The following FRMD4A variants were observed in gnomAD, a reference collection of about 807,000 sequenced individuals.
FRMD4A encodes the protein FERM domain containing 4A.
In FRMD4A, 29 loss-of-function variants were observed where a neutral mutation model predicts 129.1. The observed-to-expected ratio is 0.22, with a 90% confidence interval of 0.17 to 0.31. FRMD4A has a LOEUF of 0.31. FRMD4A is among the 10% of genes least tolerant of loss of function. The pLI, the probability that FRMD4A is intolerant of heterozygous loss-of-function variation, is 1.00. For synonymous variants in FRMD4A, 634 were observed against 571.6 expected (o/e 1.11, Z -1.56); for missense variants, 1,272 against 1,375.8 (o/e 0.92, Z 1.19).
At chr10:13,842,652 G>C (rs1391521181) in intron 3 of FRMD4A, among the ~76,000 whole-genome samples, 4 of 152,222 alleles carry the variant, frequency 2.6e-5, no homozygotes, top group African/African-American at 9.6e-5. Flanking sequence ...TGGCTCTTAA[G>C]TGCTGGTATA....
chr10:14,265,945 A>G (rs145332011), intron 2 of FRMD4A, among the ~76,000 whole-genome samples: 8 of 152,300 alleles, frequency 5.3e-5, no homozygotes, highest in Non-Finnish European at 1.0e-4. Context: ...AGGCATGGTA[A>G]AGACCTTATC....
At chr10:13,832,411 C>T (rs2093804344) in intron 3 of FRMD4A, among the ~76,000 whole-genome samples, 1 of 152,154 alleles carries the variant, frequency 6.6e-6, no homozygotes, top group South Asian at 2.1e-4. Flanking sequence ...GGAAATGTCA[C>T]CTGGATCTTC....
chr10:13,674,581 G>A (rs2083805608), intron 16 of FRMD4A, among the ~76,000 whole-genome samples: 2 of 152,114 alleles, frequency 1.3e-5, no homozygotes, highest in Non-Finnish European at 2.9e-5. Flanking sequence ...AACCCTTTAA[G>A]CATATTCTTT....
At chr10:13,651,851 A>G in intron 24 of FRMD4A, 52 bp downstream of exon 24, 2 of 875,360 alleles carry the variant, frequency 2.3e-6, no homozygotes, top group South Asian at 1.3e-5. Context: ...AAAGCAACAC[A>G]TGTGGGACCA....
intron 2 of FRMD4A, among the ~76,000 whole-genome samples, chr10:13,922,000 G>C (rs1039758306): frequency 1.3e-5 from 2 of 151,928 alleles, no homozygotes; most frequent in Admixed American, 1.3e-4. Context: ...TCTAAGGGTG[G>C]AGCCTGCATG....
chr10:13,888,110 T>G (rs2797859), intron 2 of FRMD4A, among the ~76,000 whole-genome samples: 150,040 of 152,326 alleles, frequency 0.98, 73,937 homozygotes, highest in Middle Eastern at 1. Flanking sequence ...GAGATGAAAT[T>G]TTCTGGGAAA....
chr10:13,960,829 G>T (rs1183962353), intron 2 of FRMD4A, among the ~76,000 whole-genome samples: 1 of 152,164 alleles, frequency 6.6e-6, no homozygotes, highest in Non-Finnish European at 1.5e-5. Context: ...TCTCTCACCA[G>T]AGCTCTTCCA....
chr10:13,963,505 T>A (rs966824193), intron 2 of FRMD4A, among the ~76,000 whole-genome samples: 1 of 152,128 alleles, frequency 6.6e-6, no homozygotes, highest in Non-Finnish European at 1.5e-5. Context: ...AGTCCAAGAC[T>A]GGTTGTATGA....
intron 2 of FRMD4A, among the ~76,000 whole-genome samples, chr10:13,863,865 G>C (rs1259326887): frequency 2.6e-5 from 4 of 151,958 alleles, no homozygotes; most frequent in African/African-American, 9.7e-5. Context: ...TAATTTTTCT[G>C]GTTTAGGCTT....
intron 2 of FRMD4A, among the ~76,000 whole-genome samples, chr10:14,132,105 G>A (rs1332734550): frequency 6.6e-6 from 1 of 152,148 alleles, no homozygotes; most frequent in Non-Finnish European, 1.5e-5. Flanking sequence ...GGCCAACATG[G>A]TGAAACCCCA....
chr10:13,957,543 C>G (rs867498582), intron 2 of FRMD4A, among the ~76,000 whole-genome samples: 1 of 152,170 alleles, frequency 6.6e-6, no homozygotes, highest in South Asian at 2.1e-4. Context: ...ACGTGAGCCA[C>G]CACGCTCAGC....
At chr10:14,118,126 T>G (rs1838297462) in intron 2 of FRMD4A, among the ~76,000 whole-genome samples, 2 of 152,196 alleles carry the variant, frequency 1.3e-5, no homozygotes, top group African/African-American at 4.8e-5. Context: ...GAATTTAAAC[T>G]CCAAACCTCC....
rs532474706 is a variant in FRMD4A, at chr10:14,096,205, G to C, written c.45+233853C>G. ...ATTAGTGTCCTTATAAAACAGGCTG[G>C]AGGGAACCTGTTTGTCCCTTCTGTC... On this transcript the variant is annotated intron_variant, in intron 2 of 24. Coordinates refer to ENST00000357447, the MANE Select transcript of FRMD4A (RefSeq NM_018027.5). Among the ~76,000 whole-genome samples, 51 of 152,312 alleles carry C rather than the reference G, an allele frequency of 3.3e-4. No individual in the cohort carries two copies. In the South Asian group the frequency reaches 0.01, roughly 30 times the overall value.
intron 15 of FRMD4A, among the ~76,000 whole-genome samples, chr10:13,681,169 C>T (rs1425178399): frequency 2.0e-5 from 3 of 152,218 alleles, no homozygotes; most frequent in Non-Finnish European, 4.4e-5. Flanking sequence ...ATCTTCCCTC[C>T]CCTTTTTCTC....
At chr10:13,654,190 C>A (rs557254669) in intron 23 of FRMD4A, 13 of 580,628 alleles carry the variant, frequency 2.2e-5, no homozygotes, top group African/African-American at 2.1e-4. Flanking sequence ...CAAGGACCAC[C>A]GCCTACTTTA....
intron 3 of FRMD4A, among the ~76,000 whole-genome samples, chr10:13,848,403 A>C (rs575320487): frequency 5.5e-4 from 84 of 152,202 alleles, no homozygotes; most frequent in Admixed American, 2.0e-3. Context: ...GTTTCAATGA[A>C]TACATTTTAC....
intron 5 of FRMD4A, among the ~76,000 whole-genome samples, chr10:13,796,262 C>G (rs764930151): frequency 6.6e-6 from 1 of 152,220 alleles, no homozygotes; most frequent in Non-Finnish European, 1.5e-5. Flanking sequence ...TCATTCCACA[C>G]AAGCATCCTA....
At chr10:14,307,853 C>T (rs1846404539) in intron 2 of FRMD4A, among the ~76,000 whole-genome samples, 1 of 152,182 alleles carries the variant, frequency 6.6e-6, no homozygotes, top group Non-Finnish European at 1.5e-5. Context: ...TTGTATTCAC[C>T]TTAGAACTGA....
At chr10:14,206,840 A>G (rs1842799089) in intron 2 of FRMD4A, among the ~76,000 whole-genome samples, 1 of 145,556 alleles carries the variant, frequency 6.9e-6, no homozygotes, top group African/African-American at 2.5e-5. Context: ...GAGAAACAAA[A>G]TATTTTTTTA....
Sources: gnomAD v4.1 joint callset for allele counts (sites outside exome capture counted in the v4.1 genomes callset) on GRCh38, gnomAD v4.1.1 for gene constraint, MANE v1.5 for transcripts, NCBI Gene and HGNC (gene_info 2026-07-23, HGNC 2026-07-21) for gene names.